The following RNF24 variants were observed in gnomAD, a reference collection of about 807,000 sequenced individuals.
RNF24 encodes the protein ring finger protein 24.
RNF24 carries 14 observed loss-of-function variants against 20.0 expected under a neutral mutation model. The observed-to-expected ratio is 0.70, with a 90% CI of 0.46 to 1.10. The LOEUF is 1.10. Among genes scored for constraint, RNF24 ranks in the 50% least tolerant of loss-of-function variants. The probability of loss-of-function intolerance (pLI) is 0.00; values close to 1 mark genes in which losing one functional copy is unlikely to be tolerated. For synonymous variants in RNF24, 45 were observed against 61.1 expected, an observed-to-expected ratio of 0.74 and a Z score of 1.23; for missense variants, 124 against 177.6, an observed-to-expected ratio of 0.70 and a Z score of 1.71.
At chr20:3,942,092 AG>A (rs202082952) in intron 4 of RNF24, among the ~76,000 whole-genome samples, 2,385 of 151,162 alleles carry the variant, frequency 0.016, 66 homozygotes, top group African/African-American at 0.056. Flanking sequence ...AAAAAAAAAA[AG>A]AAAAGAAAAA....
In RNF24 at chr20:3,928,879, C is replaced by G. The variant is rs549616360; in HGVS notation, c.*5184G>C. The G allele has an allele frequency of 2.0e-5, 3 of 149,774 alleles. No individual in the cohort carries two copies. The highest frequency in any genetic ancestry group is 4.4e-5 in the Non-Finnish European group (3 of 67,670). The allele number at this position is 149,774 out of a possible 1,614,324, so 9.3% of individuals were successfully genotyped here. On this transcript the variant is annotated 3_prime_UTR_variant, in exon 6 of 6. Coordinates refer to ENST00000358395, the MANE Select transcript of RNF24 (RefSeq NM_001134337.3). ...CTTGTGTGTTTTTTTGAGACGGAGT[C>G]TCGCTCTGTTGCCCAGGCTGGAGTG...
intron 1 of RNF24, among the ~76,000 whole-genome samples, chr20:3,967,042 C>A (rs6107378): frequency 0.01 from 1,553 of 152,244 alleles, 17 homozygotes; most frequent in African/African-American, 0.035. Context: ...AAAATGGCTT[C>A]ACTACAATTG....
intron 3 of RNF24, among the ~76,000 whole-genome samples, chr20:3,947,360 G>A (rs997184866): frequency 6.6e-6 from 1 of 152,168 alleles, no homozygotes; most frequent in African/African-American, 2.4e-5. Context: ...GAAAATCTAG[G>A]CCCCCTGTTT....
At chr20:3,937,200 A>G (rs2146941594) in intron 4 of RNF24, among the ~76,000 whole-genome samples, 1 of 152,280 alleles carries the variant, frequency 6.6e-6, no homozygotes, top group South Asian at 2.1e-4. Flanking sequence ...AGATCCTAAA[A>G]CTATAGCCAC....
chr20:3,947,251 G>A lies in RNF24; in HGVS notation c.186+986C>T, dbSNP rs150933961. On this transcript the variant is annotated intron_variant, in intron 3 of 5. Transcript: ENST00000358395. ...AGTGTTACAGTTCCATAACATCAGC[G>A]TCAGCAAGGTTAAAGACTCAAATAA... is the stretch of plus-strand genomic sequence containing the variant. Among the ~76,000 whole-genome samples the A allele has an allele frequency of 2.0e-3, 299 of 152,256 alleles. 1 individual carries two copies. Among genetic ancestry groups the A allele is most frequent in the Admixed American group, 4.8e-3 (73 of 15,282 alleles).
rs76479311 is a variant in RNF24 at position 3,936,625 on chromosome 20, G to A, written c.229-1552C>T. On this transcript the variant is annotated intron_variant, in intron 4 of 5. Coordinates refer to ENST00000358395, the MANE Select transcript of RNF24 (RefSeq NM_001134337.3). Reference sequence around the variant, plus strand: ...GCCTCAGCTTCCCACCTGTAAAGAGGGAATGATGCTCCCATCTCCTAGACT... The same window carrying A: ...GCCTCAGCTTCCCACCTGTAAAGAGAGAATGATGCTCCCATCTCCTAGACT... Among the ~76,000 whole-genome samples, 1,365 of 152,254 alleles carry A rather than the reference G, an allele frequency of 9.0e-3. 24 individuals carry two copies. Among genetic ancestry groups the A allele is most frequent in the African/African-American group, 0.031 (1,308 of 41,538 alleles).
intron 4 of RNF24, 108 bp from the exon 5 acceptor site, chr20:3,935,181 ACT>A: frequency 1.4e-6 from 1 of 726,198 alleles, no homozygotes; most frequent in Non-Finnish European, 2.3e-6. Context: ...GACTCATGAG[ACT>A]CTTATCTTAA....
intron 3 of RNF24, among the ~76,000 whole-genome samples, chr20:3,947,769 G>C (rs1205825839): frequency 2.0e-5 from 3 of 152,172 alleles, no homozygotes; most frequent in Admixed American, 1.3e-4. Context: ...GAGAAAAGCT[G>C]GGCACAGTGG....
chr20:3,971,502 T>C (rs2147003916), intron 1 of RNF24, among the ~76,000 whole-genome samples: 1 of 152,336 alleles, frequency 6.6e-6, no homozygotes, highest in South Asian at 2.1e-4. Flanking sequence ...TTCTAAATTA[T>C]ATTCAGTGGT....
intron 1 of RNF24, among the ~76,000 whole-genome samples, chr20:4,002,049 G>A (rs941401060): frequency 6.6e-6 from 1 of 152,034 alleles, no homozygotes; most frequent in Admixed American, 6.6e-5. Context: ...TCAGGAGATC[G>A]AGACTAGCCT....
At chr20:3,958,246 C>T (rs1044855562) in intron 2 of RNF24, among the ~76,000 whole-genome samples, 1 of 152,130 alleles carries the variant, frequency 6.6e-6, no homozygotes, top group Admixed American at 6.5e-5. Flanking sequence ...TTTATTCTTT[C>T]TTATAAATCT....
intron 1 of RNF24, among the ~76,000 whole-genome samples, chr20:3,996,733 G>A (rs1980898960): frequency 6.6e-6 from 1 of 152,122 alleles, no homozygotes; most frequent in Admixed American, 6.5e-5. Context: ...ATACTGACAG[G>A]TGCCTTCTAT....
chr20:3,964,994 G>A (rs1357516517), intron 1 of RNF24, among the ~76,000 whole-genome samples: 1 of 152,000 alleles, frequency 6.6e-6, no homozygotes, highest in Non-Finnish European at 1.5e-5. Flanking sequence ...AACAGTAAGT[G>A]TTGTTTAAAC....
At chr20:3,935,196 A>T (rs907262711) in intron 4 of RNF24, 123 bp from the exon 5 acceptor site, 2 of 642,818 alleles carry the variant, frequency 3.1e-6, no homozygotes, top group Non-Finnish European at 5.4e-6. Flanking sequence ...TATCTTAAAA[A>T]AAAAAGAAAT....
chr20:3,971,709 C>T (rs943358560), intron 1 of RNF24, among the ~76,000 whole-genome samples: 1 of 152,074 alleles, frequency 6.6e-6, no homozygotes, highest in Non-Finnish European at 1.5e-5. Flanking sequence ...TATACAAAGA[C>T]ATACACTCAA....
At chr20:3,956,673 C>T (rs1472044710) in intron 2 of RNF24, among the ~76,000 whole-genome samples, 1 of 151,978 alleles carries the variant, frequency 6.6e-6, no homozygotes, top group Non-Finnish European at 1.5e-5. Flanking sequence ...TTTATTTTAG[C>T]TCCATGAAAA....
intron 1 of RNF24, among the ~76,000 whole-genome samples, chr20:3,986,529 T>A (rs545547897): frequency 6.6e-6 from 1 of 152,282 alleles, no homozygotes; most frequent in South Asian, 2.1e-4. Flanking sequence ...AGTGTTGGGA[T>A]CAGAGGCATG....
At chr20:3,950,371 G>C (rs967665568) in intron 2 of RNF24, among the ~76,000 whole-genome samples, 2 of 152,172 alleles carry the variant, frequency 1.3e-5, no homozygotes, top group African/African-American at 4.8e-5. Flanking sequence ...TGTGAACACA[G>C]AGACAGAGAC....
At chr20:3,982,103 G>GTCTCTCCTCTCTCTCTCTC (rs1555799856) in intron 1 of RNF24, among the ~76,000 whole-genome samples, 1 of 137,026 alleles carries the variant, frequency 7.3e-6, no homozygotes, top group Non-Finnish European at 1.6e-5. Context: ...GTGAGACCTC[G>GTCTCTCCTCTCTCTCTCTC]TCTCTCTCTC....
Sources: allele counts gnomAD v4.1 joint callset (sites outside exome capture counted in the v4.1 genomes callset), GRCh38; gene constraint gnomAD v4.1.1; transcripts MANE v1.5; gene names NCBI Gene and HGNC (gene_info 2026-07-23, HGNC 2026-07-21).